Variants in ERN1 observed in about 807,000 individuals in gnomAD.
The protein encoded by ERN1 is endoplasmic reticulum to nucleus signaling 1, also known as serine/threonine-protein kinase/endoribonuclease IRE1.
In ERN1, 39 loss-of-function variants were observed where a neutral mutation model predicts 113.1. That is an observed-to-expected ratio of 0.34 (90% CI 0.27 to 0.45). The LOEUF (loss-of-function observed/expected upper bound fraction) is 0.45, where lower values mean the gene tolerates loss of function less well. Among genes scored for constraint, ERN1 ranks in the 20% least tolerant of loss-of-function variants. The pLI, the probability that ERN1 is intolerant of heterozygous loss-of-function variation, is 1.00. For missense variants in ERN1, 976 were observed against 1,274.8 expected (o/e 0.77, Z 3.57); for synonymous variants, 507 against 515.9 (o/e 0.98, Z 0.23).
intron 1 of ERN1, among the ~76,000 whole-genome samples, chr17:64,110,576 T>C (rs1053646136): frequency 1.3e-5 from 2 of 152,188 alleles, no homozygotes; most frequent in African/African-American, 4.8e-5. Flanking sequence ...GCATTACTGA[T>C]CAGCACAGGA....
At chr17:64,127,427 C>T (rs1915108595) in intron 1 of ERN1, among the ~76,000 whole-genome samples, 1 of 152,118 alleles carries the variant, frequency 6.6e-6, no homozygotes, top group Non-Finnish European at 1.5e-5. Context: ...TGTTAGCTGT[C>T]CCCATTTCAC....
At position 64,054,970 on chromosome 17, in the gene ERN1, G is replaced by A. The variant is rs4968607; in HGVS notation, c.1673-142C>T. 116,279 of 654,328 alleles carry A rather than the reference G, an allele frequency of 0.18. 11,438 individuals are homozygous for A. Among genetic ancestry groups the A allele is most frequent in the East Asian group, 0.33 (11,646 of 35,796 alleles). The allele number at this position is 654,328 out of a possible 1,614,324, so 40.5% of individuals were successfully genotyped here. A position where few individuals can be genotyped will look rare whatever the true frequency, so the allele number is the denominator to read the frequency against. On this transcript the variant is annotated intron_variant, in intron 13 of 21. Transcript: ENST00000433197. This position sits in a 1 kb window ranked among gnomAD's most constrained non-coding sequence, Gnocchi z 4.9. ...TGCACCCCAGACTGCTGCTCAGCAA[G>A]AGCCTGCCAGGCCCACTCCCCATGT...
At chr17:64,101,441 A>C (rs894027636) in intron 1 of ERN1, among the ~76,000 whole-genome samples, 4 of 152,184 alleles carry the variant, frequency 2.6e-5, no homozygotes, top group Admixed American at 2.6e-4. Context: ...ACAATACTGC[A>C]AAATTATAGC....
At chr17:64,051,867 T>A (rs964704266) in intron 17 of ERN1, among the ~76,000 whole-genome samples, 1 of 152,212 alleles carries the variant, frequency 6.6e-6, no homozygotes, top group African/African-American at 2.4e-5. Flanking sequence ...ATAGAAACAG[T>A]ATTAACTGTT....
rs1430500455 is a variant in ERN1, at chr17:64,063,420, T to A, written c.1087+566A>T. Among the ~76,000 whole-genome samples, 6 of 152,186 alleles carry A rather than the reference T, an allele frequency of 3.9e-5. No individual in the cohort carries two copies. Among genetic ancestry groups the A allele is most frequent in the Non-Finnish European group, 8.8e-5 (6 of 68,032 alleles). ...TAGTTCAATCCCTGGCCATTAGTGA[T>A]GGCAGCAAAAACAAGAGAAAGAGGA... On this transcript the variant is annotated intron_variant, in intron 10 of 21. Transcript: ENST00000433197. The surrounding 1 kb of genome is among the most constrained non-coding windows in gnomAD (Gnocchi z 5.1).
chr17:64,129,692 C>A, intron 1 of ERN1: 1 of 375,434 alleles, frequency 2.7e-6, no homozygotes. Context: ...TGCGCCCGAG[C>A]CCGCGGGGTC....
intron 2 of ERN1, among the ~76,000 whole-genome samples, chr17:64,089,349 G>C (rs1262637595): frequency 6.8e-6 from 1 of 146,236 alleles, no homozygotes; most frequent in East Asian, 2.0e-4. Flanking sequence ...AAAAAAAGAG[G>C]AACGTGACAC....
intron 1 of ERN1, among the ~76,000 whole-genome samples, chr17:64,128,015 T>G (rs1478389317): frequency 3.3e-5 from 5 of 151,958 alleles, no homozygotes. Flanking sequence ...TTCTTTTTTT[T>G]TTTTGAGACA....
At chr17:64,046,083 CT>C (rs1912504964) in intron 19 of ERN1, among the ~76,000 whole-genome samples, 1 of 152,222 alleles carries the variant, frequency 6.6e-6, no homozygotes, top group South Asian at 2.1e-4. Flanking sequence ...CAAGTATGGC[CT>C]CTTGAAGTCC....
chr17:64,054,343 A>G lies in ERN1; in HGVS notation c.1860T>C (p.Asp620=). The G allele has an allele frequency of 1.9e-6, 3 of 1,613,006 alleles. No homozygotes were observed. The highest frequency in any genetic ancestry group is 2.5e-6 in the Non-Finnish European group (3 of 1,179,508). Residue 620 remains aspartate, a synonymous_variant, in exon 15 of 22, where the codon GAT becomes GAC. Coordinates refer to ENST00000433197, the MANE Select transcript of ERN1 (RefSeq NM_001433.5). The surrounding 1 kb of genome is among the most constrained non-coding windows in gnomAD (Gnocchi z 4.9). ...AGTAGCGGATCACGTTCGGGTGCTCATCCGATTCTCGCAACAGCTGGACCT... is the reference window on the plus strand; with the variant it reads ...AGTAGCGGATCACGTTCGGGTGCTCGTCCGATTCTCGCAACAGCTGGACCT... ...DREVQLLRES[D]EHPNVIRYFC...
chr17:64,048,505 C>T (rs1912583201), intron 18 of ERN1, among the ~76,000 whole-genome samples: 1 of 152,106 alleles, frequency 6.6e-6, no homozygotes, highest in South Asian at 2.1e-4. Flanking sequence ...TAAGCATAAA[C>T]AAAACAATAA....
intron 8 of ERN1, among the ~76,000 whole-genome samples, chr17:64,065,974 C>G (rs1042832190): frequency 6.6e-6 from 1 of 152,158 alleles, no homozygotes; most frequent in African/African-American, 2.4e-5. Context: ...CAACGAATAC[C>G]TTACATTTGA....
intron 1 of ERN1, chr17:64,098,453 G>A (rs1416659204): frequency 4.0e-6 from 3 of 740,846 alleles, no homozygotes; most frequent in South Asian, 2.7e-5. Context: ...CAGACAGGCA[G>A]GCTCATGACC....
At chr17:64,051,157 G>GAA (rs57358024) in intron 17 of ERN1, among the ~76,000 whole-genome samples, 258 of 143,862 alleles carry the variant, frequency 1.8e-3, no homozygotes, top group Non-Finnish European at 2.7e-3. Flanking sequence ...TAGCGATTAA[G>GAA]AAAAAAAAAA....
chr17:64,078,026 C>T (rs1320466184), intron 4 of ERN1, among the ~76,000 whole-genome samples: 3 of 152,196 alleles, frequency 2.0e-5, no homozygotes, highest in Non-Finnish European at 1.5e-5. Context: ...AGCCACCGCA[C>T]CCAGCCACAA....
Position 64,054,813 on chromosome 17 carries a change from A to G in ERN1, c.1688T>C (p.Val563Ala). ...EQDDGDEETS[V>A]VIVGKISFCP... ...GAAGGAAATTTTCCCAACTATCACC[A>G]CGCTGGTTTCCTCATCTGGGACAAA... is the stretch of plus-strand genomic sequence containing the variant. Residue 563 changes from valine (V) to alanine (A), a missense_variant, in exon 14 of 22, where the codon GTG becomes GCG. Val to Ala is a moderately conservative substitution (Grantham distance 64). This residue lies in a region of ERN1 where 112 missense variants were observed against 106.2 expected (regional missense o/e 1.05). Coordinates refer to ENST00000433197, the MANE Select transcript of ERN1 (RefSeq NM_001433.5). This position sits in a 1 kb window ranked among gnomAD's most constrained non-coding sequence, Gnocchi z 4.9. 1.2e-6 allele frequency: 2 copies of G among 1,608,278 alleles called. No individual in the cohort carries two copies. Among genetic ancestry groups the G allele is most frequent in the Non-Finnish European group, 1.7e-6 (2 of 1,177,510 alleles).
chr17:64,103,496 CAA>C (rs11303108), intron 1 of ERN1, among the ~76,000 whole-genome samples: 13 of 62,264 alleles, frequency 2.1e-4, no homozygotes, highest in Middle Eastern at 0.01. Context: ...GACTCCATCT[CAA>C]AAAAAAAAAA....
chr17:64,111,363 T>C (rs1465548831), intron 1 of ERN1, among the ~76,000 whole-genome samples: 1 of 151,972 alleles, frequency 6.6e-6, no homozygotes. Flanking sequence ...CAATGTTTTT[T>C]TTTTTTTTTG....
chr17:64,065,783 A>C (rs1295795121), intron 8 of ERN1, among the ~76,000 whole-genome samples: 1 of 152,146 alleles, frequency 6.6e-6, no homozygotes. Context: ...TGCTGAGAGC[A>C]AAAGGGATGC....
Sources: gnomAD v4.1 joint callset for allele counts (sites outside exome capture counted in the v4.1 genomes callset) on GRCh38, gnomAD v4.1.1 for gene constraint, gnomAD v4.1.1 regional missense constraint, Gnocchi (gnomAD v3.1) non-coding constraint, MANE v1.5 for transcripts, NCBI Gene and HGNC (gene_info 2026-07-23, HGNC 2026-07-21) for gene names.